The following NOL8 variants were observed in gnomAD, a reference collection of about 807,000 sequenced individuals.
The protein encoded by NOL8 is nucleolar protein Nop132.
NOL8 carries 93 observed loss-of-function variants against 116.1 expected under a neutral mutation model. That is an observed-to-expected ratio of 0.80 (90% CI 0.68 to 0.95). NOL8 has a LOEUF of 0.95. Ranked by LOEUF, NOL8 falls within the 40% of genes least tolerant of loss-of-function variation. NOL8 has a pLI of 0.00. For synonymous variants in NOL8, 419 were observed against 469.0 expected (o/e 0.89, Z 1.38); for missense variants, 1,291 against 1,382.8 (o/e 0.93, Z 1.05).
At chr9:92,300,713 T>TTG (rs563341174) in intron 13 of NOL8, 3 of 1,141,320 alleles carry the variant, frequency 2.6e-6, no homozygotes, top group Non-Finnish European at 3.3e-6. Flanking sequence ...AACTACTAGA[T>TTG]TGTTATACTT....
chr9:92,311,309 A>C, intron 7 of NOL8, 50 bp from the exon 8 acceptor site: 1 of 1,404,272 alleles, frequency 7.1e-7, no homozygotes, highest in Non-Finnish European at 9.9e-7. Flanking sequence ...TATGATGAAG[A>C]CTCCAAAAGC....
At chr9:92,313,344 T>G (rs1447590037) in intron 7 of NOL8, among the ~76,000 whole-genome samples, 1 of 152,164 alleles carries the variant, frequency 6.6e-6, no homozygotes, top group African/African-American at 2.4e-5. Context: ...TTGACAAACT[T>G]TTTCTGTAAA....
Position 92,315,182 on chromosome 9 carries a change from G to A in NOL8, c.1443C>T (p.Cys481=), listed in dbSNP as rs1839258154. The A allele has an allele frequency of 6.2e-7, 1 of 1,613,850 alleles. No individual in the cohort carries two copies. The highest frequency in any genetic ancestry group is 1.3e-5 in the African/African-American group (1 of 74,896). ...GEEYNAMMKN[C]LRVNLTLADL... is the part of the protein sequence containing the mutation. The stretch of plus-strand genomic sequence containing the variant: ...CAGCTAAAGTGAGATTCACACGAAG[G>A]CAGTTTTTCATCATGGCATTATACT... The change falls in exon 7 of 17, where the codon TGC becomes TGT. Residue 481 remains cysteine, a synonymous_variant. Coordinates refer to ENST00000442668, the MANE Select transcript of NOL8 (RefSeq NM_017948.6).
chr9:92,323,056 AG>A (rs1269982240), intron 3 of NOL8: 1 of 194,024 alleles, frequency 5.2e-6, no homozygotes, highest in Non-Finnish European at 1.1e-5. Context: ...CGGTCTTACA[AG>A]GGTGTATTTT....
At chr9:92,305,398 T>G (rs1838140805) in intron 12 of NOL8, among the ~76,000 whole-genome samples, 1 of 152,184 alleles carries the variant, frequency 6.6e-6, no homozygotes, top group African/African-American at 2.4e-5. Context: ...CTATCTTAAT[T>G]TGGGACTTCT....
intron 6 of NOL8, among the ~76,000 whole-genome samples, chr9:92,317,309 G>T: frequency 6.6e-6 from 1 of 152,166 alleles, no homozygotes; most frequent in South Asian, 2.1e-4. Flanking sequence ...ACTTATATGT[G>T]CCAGTTATAT....
chr9:92,298,164 A>T, intron 16 of NOL8, 93 bp downstream of exon 16: 1 of 951,550 alleles, frequency 1.1e-6, no homozygotes, highest in Non-Finnish European at 1.6e-6. Flanking sequence ...CAGTCTCCTC[A>T]CCTATACCAT....
At chr9:92,310,059 C>A in intron 10 of NOL8, 112 bp downstream of exon 10, 1 of 719,826 alleles carries the variant, frequency 1.4e-6, no homozygotes, top group South Asian at 1.8e-5. Flanking sequence ...ACTCCTCAAT[C>A]CAATGTCTTG....
intron 10 of NOL8, among the ~76,000 whole-genome samples, chr9:92,309,462 G>A (rs1481526243): frequency 6.6e-6 from 1 of 151,988 alleles, no homozygotes. Context: ...AGTAGGAATG[G>A]TGAGGATTAA....
intron 13 of NOL8, chr9:92,300,885 A>T: frequency 9.8e-7 from 1 of 1,017,164 alleles, no homozygotes; most frequent in Non-Finnish European, 1.2e-6. Context: ...TCTTTAAAGT[A>T]GAATCATTGT....
intron 2 of NOL8, 82 bp downstream of exon 2, chr9:92,323,941 T>C: frequency 6.8e-7 from 1 of 1,467,332 alleles, no homozygotes; most frequent in Non-Finnish European, 9.3e-7. Context: ...GAGCTAACAT[T>C]TATCTTGGGG....
At position 92,314,836 on chromosome 9, in the gene NOL8, T is replaced by G; in HGVS notation, c.1789A>C (p.Asn597His). The change falls in exon 7 of 17, where the codon AAT becomes CAT. Residue 597 changes from asparagine to histidine, a missense_variant. Transcript: ENST00000442668. Reference protein sequence around the residue: ...KSLKDSVASNNKDQNSMKHED... With the variant: ...KSLKDSVASNHKDQNSMKHED... The stretch of plus-strand genomic sequence containing the variant: ...TGTTTCATGGAATTCTGATCTTTAT[T>G]GTTAGAGGCAACACTGTCTTTCAAG... 6.2e-7 allele frequency: 1 copy of G among 1,613,360 alleles called. No homozygotes were observed. Among genetic ancestry groups the G allele is most frequent in the South Asian group, 1.1e-5 (1 of 90,992 alleles).
At position 92,297,675 on chromosome 9, in the gene NOL8, G is replaced by T; in HGVS notation, c.*161C>A. On this transcript the variant is annotated 3_prime_UTR_variant, in exon 17 of 17. Coordinates refer to ENST00000442668, the MANE Select transcript of NOL8 (RefSeq NM_017948.6). ...ATTACTTAGGAAGAAATGCAGAGGA[G>T]TTCCACAGAAAAAGATGGCAACCAG... is the stretch of plus-strand genomic sequence containing the variant. 1.7e-6 allele frequency: 1 copy of T among 596,626 alleles called. No individual in the cohort carries two copies. The allele number at this position is 596,626 out of a possible 1,614,324, so 37.0% of individuals were successfully genotyped here. A position where few individuals can be genotyped will look rare whatever the true frequency, so the allele number is the denominator to read the frequency against.
At position 92,319,285 on chromosome 9, in the gene NOL8, T is replaced by A; in HGVS notation, c.353A>T (p.Glu118Val). The A allele has an allele frequency of 6.3e-7, 1 of 1,596,754 alleles. No individual in the cohort carries two copies. The highest frequency in any genetic ancestry group is 8.5e-7 in the Non-Finnish European group (1 of 1,173,218). ...ESTTGNANLL[E>V]KTGGVDFHMK... ...ATGGAAATCCACTCCTCCTGTCTTTTCTAACAAGTTGGCGTTACCTGTTGT... is the reference window on the plus strand; with the variant it reads ...ATGGAAATCCACTCCTCCTGTCTTTACTAACAAGTTGGCGTTACCTGTTGT... Residue 118 changes from glutamate (E) to valine (V), a missense_variant, in exon 5 of 17, where the codon GAA becomes GTA. Glu to Val is a moderately radical substitution (Grantham distance 121, BLOSUM62 -2). Coordinates refer to ENST00000442668, the MANE Select transcript of NOL8 (RefSeq NM_017948.6).
At chr9:92,307,571 TACAA>T (rs1265714246) in intron 10 of NOL8, among the ~76,000 whole-genome samples, 1 of 152,204 alleles carries the variant, frequency 6.6e-6, no homozygotes, top group Non-Finnish European at 1.5e-5. Flanking sequence ...CCTCAACTAC[TACAA>T]ACAGACAAAA....
intron 12 of NOL8, among the ~76,000 whole-genome samples, chr9:92,305,146 T>C (rs984169841): frequency 6.6e-6 from 1 of 152,104 alleles, no homozygotes; most frequent in South Asian, 2.1e-4. Context: ...TTAAGGGTCC[T>C]AGGATGAGGA....
rs141377712 is a variant in NOL8 at position 92,320,176 on chromosome 9, C to T, written c.282-820G>A. ...TGCCACCTCTTCTGATTCAAATCACCGCCACCTTCTTCAGGCCTGGACAAC... is the reference window on the plus strand; with the variant it reads ...TGCCACCTCTTCTGATTCAAATCACTGCCACCTTCTTCAGGCCTGGACAAC... On this transcript the variant is annotated intron_variant, in intron 4 of 16. Coordinates refer to ENST00000442668, the MANE Select transcript of NOL8 (RefSeq NM_017948.6). 174 of 456,090 alleles carry T rather than the reference C, an allele frequency of 3.8e-4. 1 individual carries two copies. The East Asian group carries it at 5.3e-3, about 14-fold the overall frequency. 28.3% of individuals were successfully genotyped at this position (456,090 alleles called of 1,614,324 possible).
chr9:92,311,576 T>C (rs1287913882), intron 7 of NOL8, among the ~76,000 whole-genome samples: 1 of 151,940 alleles, frequency 6.6e-6, no homozygotes, highest in Non-Finnish European at 1.5e-5. Flanking sequence ...GACAAACACA[T>C]GGCCAACAAG....
At chr9:92,311,438 T>C (rs774629343) in intron 7 of NOL8, among the ~76,000 whole-genome samples, 179 bp from the exon 8 acceptor site, 10 of 152,154 alleles carry the variant, frequency 6.6e-5, no homozygotes, top group Non-Finnish European at 1.5e-4. Flanking sequence ...GGAGAAAATA[T>C]TTGCAAACTA....
Sources: gnomAD v4.1 joint callset for allele counts (sites outside exome capture counted in the v4.1 genomes callset) on GRCh38, gnomAD v4.1.1 for gene constraint, MANE v1.5 for transcripts, NCBI Gene and HGNC (gene_info 2026-07-23, HGNC 2026-07-21) for gene names.